SPATA9: variants seen among roughly 807,000 people sequenced by gnomAD.
SPATA9 encodes the protein spermatogenesis-associated protein 9.
A neutral mutation model predicts 25.5 loss-of-function variants in SPATA9; 27 were observed. The observed-to-expected ratio is 1.06, with a 90% CI of 0.78 to 1.46. The LOEUF (loss-of-function observed/expected upper bound fraction) is 1.46, where lower values mean the gene tolerates loss of function less well. Ranked by LOEUF, SPATA9 falls within the 40% of genes most tolerant of loss-of-function variation. The pLI is 0.00. For synonymous variants in SPATA9, 102 were observed against 105.7 expected (o/e 0.97, Z 0.21); for missense variants, 282 against 297.5 (o/e 0.95, Z 0.38).
chr5:95,656,136 C>T, downstream of SPATA9: 1 of 1,613,708 alleles, frequency 6.2e-7, no homozygotes, highest in Non-Finnish European at 8.5e-7. Flanking sequence ...GTCTATAAAC[C>T]CTAAAGATCC....
chr5:95,677,909 G>T (rs1561410583), intron 2 of SPATA9, among the ~76,000 whole-genome samples: 1 of 151,816 alleles, frequency 6.6e-6, no homozygotes, highest in East Asian at 1.9e-4. Context: ...TAATTTAAAG[G>T]TTTACTACTT....
intron 3 of SPATA9, among the ~76,000 whole-genome samples, chr5:95,665,035 A>T (rs1751639184): frequency 6.6e-6 from 1 of 152,234 alleles, no homozygotes; most frequent in Non-Finnish European, 1.5e-5. Context: ...GTGGTATATT[A>T]TGCAATCTTT....
chr5:95,717,269 T>C, the SPATA9 span, among the ~76,000 whole-genome samples: 1 of 152,182 alleles, frequency 6.6e-6, no homozygotes, highest in Admixed American at 6.5e-5. Context: ...CTGCAACTTT[T>C]CCCTAGGTCT....
intron 4 of SPATA9, among the ~76,000 whole-genome samples, chr5:95,662,022 T>G (rs919981864): frequency 6.6e-6 from 1 of 152,152 alleles, no homozygotes; most frequent in Non-Finnish European, 1.5e-5. Flanking sequence ...TTCTCCCAGT[T>G]ATTAAGATAT....
upstream of SPATA9, among the ~76,000 whole-genome samples, chr5:95,685,051 A>G (rs906433982): frequency 1.3e-5 from 2 of 152,250 alleles, no homozygotes; most frequent in Non-Finnish European, 2.9e-5. Flanking sequence ...TCTGGGGGTC[A>G]GTCAGACCTG....
chr5:95,659,539 T>C (rs1388792008), intron 4 of SPATA9: 1 of 152,184 alleles, frequency 6.6e-6, no homozygotes, highest in Non-Finnish European at 1.5e-5. Context: ...ATGAAGATGA[T>C]GATGATGCTG....
In SPATA9 at chr5:95,675,399, A is replaced by G. The variant is rs374686452; in HGVS notation, c.378+13T>C. The G allele has an allele frequency of 4.1e-5, 66 of 1,597,228 alleles. No individual in the cohort carries two copies. The highest frequency in any genetic ancestry group is 5.0e-5 in the Non-Finnish European group (58 of 1,171,458). Reference sequence around the variant, plus strand: ...TAAAAAAGGGGAATTGTGCATATGCAGTATTCCCTTACCTGAATGTTATAT... The same window carrying G: ...TAAAAAAGGGGAATTGTGCATATGCGGTATTCCCTTACCTGAATGTTATAT... On this transcript the variant is annotated intron_variant, in intron 3 of 4. Transcript: ENST00000274432.
chr5:95,718,339 A>AAGGCACTATCAGAGGGATC, the SPATA9 span, among the ~76,000 whole-genome samples: 1 of 152,244 alleles, frequency 6.6e-6, no homozygotes, highest in South Asian at 2.1e-4. Flanking sequence ...AGGTCTACAC[A>AAGGCACTATCAGAGGGATC]AGGCACTATC....
the SPATA9 span, among the ~76,000 whole-genome samples, chr5:95,728,353 C>G: frequency 1.3e-5 from 2 of 152,152 alleles, no homozygotes; most frequent in East Asian, 3.8e-4. Context: ...TTCTTTATAC[C>G]TTTGCATGTG....
upstream of SPATA9, among the ~76,000 whole-genome samples, chr5:95,700,774 A>T (rs1157551831): frequency 6.6e-6 from 1 of 152,170 alleles, no homozygotes; most frequent in Non-Finnish European, 1.5e-5. Context: ...AAAACCAGGA[A>T]CTTGACATTG....
At chr5:95,714,590 G>A in the SPATA9 span, among the ~76,000 whole-genome samples, 4 of 152,132 alleles carry the variant, frequency 2.6e-5, no homozygotes, top group Non-Finnish European at 5.9e-5. Flanking sequence ...CCGGAGTGGT[G>A]GAGGAAGAAA....
chr5:95,731,717 T>A, the SPATA9 span: 19 of 1,613,040 alleles, frequency 1.2e-5, no homozygotes, highest in Non-Finnish European at 1.5e-5. Context: ...CCATTGTCTC[T>A]CTCCAGCGCG....
chr5:95,724,210 C>G, the SPATA9 span, among the ~76,000 whole-genome samples: 17 of 152,174 alleles, frequency 1.1e-4, no homozygotes, highest in Non-Finnish European at 1.8e-4. Flanking sequence ...CTGAAAAGAA[C>G]TTAAAAAGAT....
At chr5:95,656,302 C>G (rs766682993), downstream of SPATA9, 1 of 1,600,722 alleles carries the variant, frequency 6.2e-7, no homozygotes, top group Non-Finnish European at 8.5e-7. Context: ...ATTAAGAGTT[C>G]TTCCTGATAA....
At chr5:95,722,118 T>C in the SPATA9 span, among the ~76,000 whole-genome samples, 2 of 152,122 alleles carry the variant, frequency 1.3e-5, no homozygotes, top group Non-Finnish European at 1.5e-5. Context: ...AAGGAGAACA[T>C]TTCTAAGCAT....
chr5:95,704,943 G>C, the SPATA9 span, among the ~76,000 whole-genome samples: 33,980 of 150,234 alleles, frequency 0.23, 4,077 homozygotes, highest in East Asian at 0.5. Flanking sequence ...CATGAGGATA[G>C]AGTACTTTTT....
the SPATA9 span, among the ~76,000 whole-genome samples, chr5:95,715,440 A>C: frequency 6.6e-6 from 1 of 152,216 alleles, no homozygotes; most frequent in South Asian, 2.1e-4. Context: ...ACGAATAGAA[A>C]AGCACAGACA....
intron 1 of SPATA9, among the ~76,000 whole-genome samples, chr5:95,688,556 T>C (rs1753804043): frequency 6.6e-6 from 1 of 152,194 alleles, no homozygotes; most frequent in African/African-American, 2.4e-5. Context: ...CCAGAAATCA[T>C]GCATTTTACG....
chr5:95,674,452 G>A (rs969954315), intron 3 of SPATA9, among the ~76,000 whole-genome samples: 4 of 152,188 alleles, frequency 2.6e-5, no homozygotes, highest in African/African-American at 9.7e-5. Context: ...TAAGCACTGA[G>A]AACACAAGCC....
Sources: allele counts gnomAD v4.1 joint callset (sites outside exome capture counted in the v4.1 genomes callset), GRCh38; gene constraint gnomAD v4.1.1; transcripts MANE v1.5; gene names NCBI Gene and HGNC (gene_info 2026-07-23, HGNC 2026-07-21).